The following REEP3 variants were observed in gnomAD, a reference collection of about 807,000 sequenced individuals.
REEP3 encodes receptor expression-enhancing protein 3.
Under a neutral mutation model 41.3 loss-of-function variants are expected in REEP3, and 20 were observed. The ratio of observed to expected loss-of-function variants is 0.48; its 90% CI spans 0.34 to 0.70. The LOEUF (loss-of-function observed/expected upper bound fraction) is 0.70. REEP3 is among the 30% of genes least tolerant of loss of function. The pLI is 0.01. For missense variants in REEP3, 271 were observed against 308.8 expected (o/e 0.88, Z 0.92); for synonymous variants, 104 against 101.8 (o/e 1.02, Z -0.13).
intron 2 of REEP3, among the ~76,000 whole-genome samples, chr10:63,572,018 CG>C (rs2133380680): frequency 6.6e-6 from 1 of 152,264 alleles, no homozygotes; most frequent in African/African-American, 2.4e-5. Flanking sequence ...GCTGGACGTT[CG>C]GGGGCCACGG....
chr10:63,535,020 T>A (rs904772996), intron 1 of REEP3, among the ~76,000 whole-genome samples: 1 of 152,216 alleles, frequency 6.6e-6, no homozygotes, highest in Non-Finnish European at 1.5e-5. Context: ...ATCTCTGGGT[T>A]TTTCTTTTTC....
At chr10:63,565,714 G>A (rs1158819122) in intron 1 of REEP3, among the ~76,000 whole-genome samples, 60 of 152,092 alleles carry the variant, frequency 3.9e-4, no homozygotes, top group Admixed American at 3.9e-3. Flanking sequence ...TCTCTGACTG[G>A]CAGGGTTGGA....
At chr10:63,590,716 C>G (rs938793114) in intron 2 of REEP3, among the ~76,000 whole-genome samples, 7 of 152,106 alleles carry the variant, frequency 4.6e-5, no homozygotes, top group Non-Finnish European at 7.4e-5. Context: ...GCCAAAGGGA[C>G]TTTTAAGGAA....
chr10:63,530,088 T>A (rs1288972570), intron 1 of REEP3, among the ~76,000 whole-genome samples: 1 of 152,194 alleles, frequency 6.6e-6, no homozygotes, highest in Non-Finnish European at 1.5e-5. Flanking sequence ...TGAATGTCAT[T>A]TTTATATTCA....
At chr10:63,559,823 G>A (rs375099465) in intron 1 of REEP3, among the ~76,000 whole-genome samples, 6 of 152,114 alleles carry the variant, frequency 3.9e-5, no homozygotes, top group South Asian at 2.1e-4. Flanking sequence ...AAGATTGTTC[G>A]TAGCATTAGT....
intron 6 of REEP3, among the ~76,000 whole-genome samples, chr10:63,613,922 A>C (rs567161855): frequency 1.3e-5 from 2 of 152,210 alleles, no homozygotes; most frequent in Non-Finnish European, 2.9e-5. Context: ...TTTCTTAAGC[A>C]TGATATCAAA....
chr10:63,575,579 C>T (rs2133383891), intron 2 of REEP3, among the ~76,000 whole-genome samples: 1 of 151,514 alleles, frequency 6.6e-6, no homozygotes, highest in South Asian at 2.1e-4. Context: ...TTAATCTTTT[C>T]CCTTCTCTTT....
intron 7 of REEP3, 93 bp from the exon 8 acceptor site, chr10:63,620,720 T>A (rs925173977): frequency 1.3e-6 from 1 of 761,084 alleles, no homozygotes; most frequent in African/African-American, 1.8e-5. Flanking sequence ...ATCAAAAAGG[T>A]AAAAAAATTA....
chr10:63,604,509 CT>C (rs1312070413), intron 5 of REEP3, among the ~76,000 whole-genome samples: 1 of 152,192 alleles, frequency 6.6e-6, no homozygotes, highest in African/African-American at 2.4e-5. Flanking sequence ...TTACCACAGA[CT>C]TTTGAGCTTT....
At chr10:63,617,430 TA>T (rs1278279897) in intron 6 of REEP3, among the ~76,000 whole-genome samples, 2 of 152,188 alleles carry the variant, frequency 1.3e-5, no homozygotes, top group African/African-American at 2.4e-5. Context: ...TTAATATGTA[TA>T]TTTTTTGAAA....
At chr10:63,596,922 C>T (rs543057422) in intron 3 of REEP3, among the ~76,000 whole-genome samples, 13 of 152,300 alleles carry the variant, frequency 8.5e-5, no homozygotes, top group African/African-American at 2.4e-4. Flanking sequence ...GGATTACAGG[C>T]GTGAGCACCT....
At chr10:63,571,154 C>T (rs1024723065) in intron 2 of REEP3, among the ~76,000 whole-genome samples, 2 of 152,154 alleles carry the variant, frequency 1.3e-5, no homozygotes, top group African/African-American at 4.8e-5. Context: ...GCTAGAGAGA[C>T]TAAGTTGAGA....
intron 1 of REEP3, among the ~76,000 whole-genome samples, chr10:63,527,317 A>T (rs763268083): frequency 6.6e-6 from 1 of 151,892 alleles, no homozygotes; most frequent in Non-Finnish European, 1.5e-5. Flanking sequence ...CTTTTAATCT[A>T]CTATACTTTT....
Position 63,564,643 on chromosome 10 carries a change from A to G in REEP3, c.33-1695A>G, listed in dbSNP as rs77466956. Among the ~76,000 whole-genome samples the G allele has an allele frequency of 2.6e-5, 4 of 151,362 alleles. No individual in the cohort carries two copies. In the East Asian group the frequency reaches 7.7e-4, roughly 29 times the overall value. On this transcript the variant is annotated intron_variant, in intron 1 of 7. Transcript: ENST00000373758. ...CTCAGAAAAAAAAAAAGAAATGCGC[A>G]TTAAAATAGCTATAAGGTTATTGTT...
At chr10:63,532,776 C>T (rs762469813) in intron 1 of REEP3, among the ~76,000 whole-genome samples, 2 of 151,882 alleles carry the variant, frequency 1.3e-5, no homozygotes, top group Admixed American at 6.6e-5. Context: ...CATGCGCCTG[C>T]AGTCCCAGCT....
At chr10:63,602,353 G>A (rs753910109) in intron 5 of REEP3, among the ~76,000 whole-genome samples, 4 of 152,190 alleles carry the variant, frequency 2.6e-5, no homozygotes, top group African/African-American at 9.7e-5. Flanking sequence ...GGATGAAGAG[G>A]AGAAGGAGAC....
intron 5 of REEP3, among the ~76,000 whole-genome samples, chr10:63,603,201 A>T (rs1349125115): frequency 2.0e-5 from 3 of 151,332 alleles, no homozygotes; most frequent in Admixed American, 6.6e-5. Flanking sequence ...TAGTCCCAGC[A>T]ACTCGGGAGG....
chr10:63,604,452 T>A (rs1475833534), intron 5 of REEP3, among the ~76,000 whole-genome samples: 2 of 152,238 alleles, frequency 1.3e-5, no homozygotes, highest in African/African-American at 4.8e-5. Flanking sequence ...TGAATTTCTC[T>A]GGCAGCCTTT....
chr10:63,553,705 C>T (rs1397809912), intron 1 of REEP3, among the ~76,000 whole-genome samples: 4 of 152,098 alleles, frequency 2.6e-5, no homozygotes, highest in Non-Finnish European at 4.4e-5. Flanking sequence ...CTTACTCATC[C>T]TCCTTTAATT....
Sources: gnomAD v4.1 joint callset for allele counts (sites outside exome capture counted in the v4.1 genomes callset) on GRCh38, gnomAD v4.1.1 for gene constraint, MANE v1.5 for transcripts, NCBI Gene and HGNC (gene_info 2026-07-23, HGNC 2026-07-21) for gene names.